WHRN: variants seen among roughly 807,000 people sequenced by gnomAD.
WHRN encodes whirlin, also known as CASK-interacting protein CIP98.
A neutral mutation model predicts 68.3 loss-of-function variants in WHRN; 41 were observed. That is an observed-to-expected ratio of 0.60 (90% CI 0.47 to 0.78). The LOEUF is 0.78. WHRN is among the 30% of genes least tolerant of loss of function. The pLI, the probability that WHRN is intolerant of heterozygous loss-of-function variation, is 0.00. For missense variants in WHRN, 1,243 were observed against 1,244.7 expected, an observed-to-expected ratio of 1.00 and a Z score of 0.02; for synonymous variants, 560 against 561.3, an observed-to-expected ratio of 1.00 and a Z score of 0.03.
At chr9:114,455,634 A>G (rs988619366) in intron 3 of WHRN, among the ~76,000 whole-genome samples, 9 of 150,856 alleles carry the variant, frequency 6.0e-5, no homozygotes, top group Admixed American at 5.3e-4. Context: ...GGATCACTTG[A>G]GCCCAGGAGG....
intron 1 of WHRN, among the ~76,000 whole-genome samples, chr9:114,493,000 G>C (rs1213014012): frequency 6.6e-6 from 1 of 152,066 alleles, no homozygotes; most frequent in African/African-American, 2.4e-5. Context: ...CCGGGTGACT[G>C]AGCAAGGCCC....
At chr9:114,425,178 CAG>C in intron 4 of WHRN, 154 bp from the exon 5 acceptor site, 1 of 808,418 alleles carries the variant, frequency 1.2e-6, no homozygotes, top group Non-Finnish European at 2.2e-6. Flanking sequence ...GGGGGCTACT[CAG>C]GGGTAAAGGA....
chr9:114,435,924 AT>A (rs1237820988), intron 3 of WHRN, among the ~76,000 whole-genome samples: 5 of 152,222 alleles, frequency 3.3e-5, no homozygotes, highest in African/African-American at 1.2e-4. Flanking sequence ...TACTCAACAA[AT>A]AAAATATCCC....
chr9:114,487,714 CT>C (rs1187041703), intron 1 of WHRN, among the ~76,000 whole-genome samples: 1 of 152,204 alleles, frequency 6.6e-6, no homozygotes, highest in African/African-American at 2.4e-5. Flanking sequence ...ATCACATTTC[CT>C]TGCCAGTGTC....
intron 3 of WHRN, among the ~76,000 whole-genome samples, chr9:114,460,410 C>T (rs1457683156): frequency 6.6e-6 from 1 of 152,152 alleles, no homozygotes; most frequent in African/African-American, 2.4e-5. Context: ...GAGTACAGTG[C>T]CTGATTCATA....
In WHRN at chr9:114,486,951, GTGTGTGTGTATATATATA is replaced by G. The variant is rs1479135630; in HGVS notation, c.619-8198_619-8181del. Among the ~76,000 whole-genome samples, 153 of 90,274 alleles carry G rather than the reference GTGTGTGTGTATATATATA, an allele frequency of 1.7e-3. 4 individuals carry two copies. The highest frequency in any genetic ancestry group is 7.3e-3 in the African/African-American group (143 of 19,520). 59.2% of individuals were successfully genotyped at this position (90,274 alleles called of 152,430 possible). A position where few individuals can be genotyped will look rare whatever the true frequency, so the allele number is the denominator to read the frequency against. On this transcript the variant is annotated intron_variant, in intron 1 of 11. Transcript: ENST00000362057. ...GAGTGTGTGTGTGTGTTGTGTGTGT[GTGTGTGTGTATATATATA>G]TATATATATATATATATATATATAT...
rs1196616975 is a variant in WHRN at position 114,478,563 on chromosome 9, TCCCCTCCTTGCAGGA to T, written c.812_826del (p.Leu271_Asp276delinsHis). ...CCCCACCCCACTCACCTTTTTCTCA[TCCCCTCCTTGCAGGA>T]GGTGCAGGGTGCTCCTCCGGTCACC... On this transcript the variant is annotated inframe_deletion, in exon 2 of 12. Coordinates refer to ENST00000362057, the MANE Select transcript of WHRN (RefSeq NM_015404.4). 2 of 1,613,930 alleles carry T rather than the reference TCCCCTCCTTGCAGGA, an allele frequency of 1.2e-6. No individual in the cohort carries two copies. The highest frequency in any genetic ancestry group is 2.7e-5 in the African/African-American group (2 of 74,912).
intron 4 of WHRN, chr9:114,425,846 A>T: frequency 3.1e-5 from 11 of 349,258 alleles, no homozygotes; most frequent in South Asian, 2.9e-4. Flanking sequence ...GGCCAAATAC[A>T]CCCCAAAGCA....
chr9:114,443,802 CTGA>C (rs1838592889), intron 3 of WHRN, among the ~76,000 whole-genome samples: 2 of 152,172 alleles, frequency 1.3e-5, no homozygotes, highest in Admixed American at 1.3e-4. Flanking sequence ...TTTCACACTG[CTGA>C]TAAGGACATA....
intron 3 of WHRN, among the ~76,000 whole-genome samples, chr9:114,461,627 C>CAAG (rs1411011677): frequency 1.3e-5 from 2 of 152,236 alleles, no homozygotes; most frequent in Non-Finnish European, 2.9e-5. Flanking sequence ...TGGAACACTT[C>CAAG]TTTCCACTTC....
rs531772601 is a variant in WHRN at position 114,442,371 on chromosome 9, T to C, written c.964-15958A>G. On this transcript the variant is annotated intron_variant, in intron 3 of 11. Transcript: ENST00000362057. ...TATGTTAAGTGAATGTCCTTGTTCT[T>C]AGAGAAAAAAAATACTGAAGTATTT... Among the ~76,000 whole-genome samples, 19 of 152,102 alleles carry C rather than the reference T, an allele frequency of 1.2e-4. No individual in the cohort carries two copies. The South Asian group carries it at 1.9e-3, about 15-fold the overall frequency.
intron 7 of WHRN, among the ~76,000 whole-genome samples, chr9:114,419,153 C>T (rs1836054339): frequency 6.6e-6 from 1 of 152,140 alleles, no homozygotes; most frequent in South Asian, 2.1e-4. Context: ...TCAAGCAAGC[C>T]TGGGTTTGAA....
intron 3 of WHRN, among the ~76,000 whole-genome samples, chr9:114,450,836 C>CCAA (rs1554725573): frequency 1.9e-4 from 28 of 149,886 alleles, no homozygotes; most frequent in African/African-American, 6.7e-4. Context: ...TCCCCCCCCG[C>CCAA]AAAAAAATAC....
At chr9:114,421,220 A>G (rs1375023374) in intron 7 of WHRN, among the ~76,000 whole-genome samples, 1 of 152,198 alleles carries the variant, frequency 6.6e-6, no homozygotes, top group Non-Finnish European at 1.5e-5. Flanking sequence ...CCTCTGGCAG[A>G]GCAGGGCCAA....
intron 2 of WHRN, among the ~76,000 whole-genome samples, chr9:114,478,053 G>C (rs1841795704): frequency 6.6e-6 from 1 of 152,086 alleles, no homozygotes; most frequent in Non-Finnish European, 1.5e-5. Flanking sequence ...ATAAGTCCTG[G>C]AGCAGAACTG....
chr9:114,478,854 T>G, intron 1 of WHRN, 83 bp from the exon 2 acceptor site: 4 of 1,379,412 alleles, frequency 2.9e-6, no homozygotes, highest in Non-Finnish European at 4.0e-6. Flanking sequence ...CAGACCTTGG[T>G]TTTTCTCAGG....
At chr9:114,485,675 G>C (rs1842422101) in intron 1 of WHRN, among the ~76,000 whole-genome samples, 1 of 150,844 alleles carries the variant, frequency 6.6e-6, no homozygotes, top group African/African-American at 2.4e-5. Context: ...CTGAGCTACA[G>C]AGCGAGACTC....
At chr9:114,481,285 C>T (rs1260353738) in intron 1 of WHRN, among the ~76,000 whole-genome samples, 3 of 152,208 alleles carry the variant, frequency 2.0e-5, no homozygotes, top group African/African-American at 7.2e-5. Context: ...CAGCTAAATC[C>T]CAGTCTCCAG....
intron 3 of WHRN, among the ~76,000 whole-genome samples, chr9:114,443,315 T>C (rs1204218235): frequency 1.3e-5 from 2 of 152,210 alleles, no homozygotes; most frequent in Non-Finnish European, 2.9e-5. Context: ...AAATCTAACA[T>C]AGGTCTCACT....
Sources: gnomAD v4.1 joint callset for allele counts (sites outside exome capture counted in the v4.1 genomes callset) on GRCh38, gnomAD v4.1.1 for gene constraint, MANE v1.5 for transcripts, NCBI Gene and HGNC (gene_info 2026-07-23, HGNC 2026-07-21) for gene names.